The following PSD2 variants were observed in gnomAD, a reference collection of about 807,000 sequenced individuals.
PSD2 encodes the protein PH and SEC7 domain-containing protein 2.
A neutral mutation model predicts 69.8 loss-of-function variants in PSD2; 38 were observed. The ratio of observed to expected loss-of-function variants is 0.54; its 90% CI spans 0.42 to 0.71. The LOEUF (loss-of-function observed/expected upper bound fraction) is 0.71, where lower values mean the gene tolerates loss of function less well. Among genes scored for constraint, PSD2 ranks in the 30% least tolerant of loss-of-function variants. PSD2 has a pLI of 0.00. For synonymous variants in PSD2, 412 were observed against 423.0 expected, an observed-to-expected ratio of 0.97 and a Z score of 0.32; for missense variants, 943 against 1,014.5, an observed-to-expected ratio of 0.93 and a Z score of 0.96.
intron 5 of PSD2, among the ~76,000 whole-genome samples, chr5:139,821,108 T>C (rs1302039543): frequency 1.3e-5 from 2 of 152,118 alleles, no homozygotes; most frequent in Non-Finnish European, 2.9e-5. Context: ...AATTTTTGTA[T>C]TTTTAGTAGA....
At chr5:139,746,722 A>G in the PSD2 span, among the ~76,000 whole-genome samples, 8 of 152,196 alleles carry the variant, frequency 5.3e-5, no homozygotes, top group East Asian at 9.7e-4. This position sits in a 1 kb window ranked among gnomAD's most constrained non-coding sequence, Gnocchi z 4.5. Context: ...CGGCAGTGTG[A>G]TGGCCGCGCA....
chr5:139,768,817 C>G, the PSD2 span, among the ~76,000 whole-genome samples: 2 of 152,032 alleles, frequency 1.3e-5, no homozygotes, highest in Non-Finnish European at 2.9e-5. Context: ...GGGCCTGCAA[C>G]ATGGTGGGTG....
At chr5:139,836,750 C>A in intron 9 of PSD2, 61 bp from the exon 10 acceptor site, 2 of 1,486,332 alleles carry the variant, frequency 1.3e-6, no homozygotes, top group Non-Finnish European at 9.3e-7. Context: ...TGGGGAAAGG[C>A]CATGACGATG....
chr5:139,751,739 G>A, the PSD2 span, among the ~76,000 whole-genome samples: 5 of 151,236 alleles, frequency 3.3e-5, no homozygotes, highest in Non-Finnish European at 5.9e-5. Flanking sequence ...CTCCAAGGTT[G>A]CTCTTTGGCC....
the PSD2 span, among the ~76,000 whole-genome samples, chr5:139,751,847 G>T: frequency 2.7e-5 from 4 of 146,992 alleles, no homozygotes; most frequent in South Asian, 8.7e-4. Flanking sequence ...AGGCTGGAGT[G>T]CTGTAGCATG....
chr5:139,788,174 C>G, the PSD2 span, among the ~76,000 whole-genome samples: 1 of 114,258 alleles, frequency 8.8e-6, no homozygotes, highest in African/African-American at 3.0e-5. Flanking sequence ...GCCCGCCCCC[C>G]CCGCGCCCCC....
At position 139,843,507 on chromosome 5, in the gene PSD2, C is replaced by G. The variant is rs1561612162; in HGVS notation, c.*1033C>G. 6.6e-6 allele frequency: 1 copy of G among 152,216 alleles called. No individual in the cohort carries two copies. The highest frequency in any genetic ancestry group is 1.5e-5 in the Non-Finnish European group (1 of 68,038). 9.4% of individuals were successfully genotyped at this position (152,216 alleles called of 1,614,324 possible). ...GGTCTCTGAGCTCCAGAGGTGGCCT[C>G]TTGGACAGATCTACTGCTATAGGAA... On this transcript the variant is annotated 3_prime_UTR_variant, in exon 15 of 15. Coordinates refer to ENST00000274710, the MANE Select transcript of PSD2 (RefSeq NM_032289.4).
At chr5:139,797,772 C>T (rs1581706384) in intron 1 of PSD2, among the ~76,000 whole-genome samples, 1 of 152,168 alleles carries the variant, frequency 6.6e-6, no homozygotes, top group Non-Finnish European at 1.5e-5. Flanking sequence ...TGTTCAAAGT[C>T]TCCTGGTTAG....
the PSD2 span, among the ~76,000 whole-genome samples, chr5:139,751,206 T>C: frequency 6.6e-6 from 1 of 152,168 alleles, no homozygotes; most frequent in Admixed American, 6.5e-5. Context: ...TCTCAGCTCC[T>C]ACTCCACAGT....
At chr5:139,804,259 G>T (rs1200247508) in intron 1 of PSD2, among the ~76,000 whole-genome samples, 1 of 152,126 alleles carries the variant, frequency 6.6e-6, no homozygotes, top group African/African-American at 2.4e-5. Context: ...GAACCAGTGG[G>T]GGTGTTCAGG....
chr5:139,761,646 C>A, the PSD2 span, among the ~76,000 whole-genome samples: 1 of 152,212 alleles, frequency 6.6e-6, no homozygotes, highest in Non-Finnish European at 1.5e-5. Flanking sequence ...TAGATCAGCA[C>A]CCCCTAACCT....
chr5:139,796,939 G>A (rs1426451399), intron 1 of PSD2, among the ~76,000 whole-genome samples: 1 of 152,148 alleles, frequency 6.6e-6, no homozygotes, highest in Non-Finnish European at 1.5e-5. Context: ...GGCCAGGGCA[G>A]GTGGGCAGCC....
the PSD2 span, among the ~76,000 whole-genome samples, chr5:139,748,000 C>A: frequency 6.6e-6 from 1 of 152,246 alleles, no homozygotes; most frequent in Non-Finnish European, 1.5e-5. This position sits in a 1 kb window ranked among gnomAD's most constrained non-coding sequence, Gnocchi z 6.7. Flanking sequence ...TTTCAAGGGG[C>A]CTTTGCGGAG....
chr5:139,804,045 G>A (rs1218066506), intron 1 of PSD2, among the ~76,000 whole-genome samples: 1 of 152,240 alleles, frequency 6.6e-6, no homozygotes, highest in Non-Finnish European at 1.5e-5. Flanking sequence ...AGGCCCCATT[G>A]CGGTGTGGGC....
the PSD2 span, among the ~76,000 whole-genome samples, chr5:139,765,303 C>CTG: frequency 6.6e-6 from 1 of 152,152 alleles, no homozygotes; most frequent in Non-Finnish European, 1.5e-5. Context: ...CCGTTACCAC[C>CTG]AGGAAACCAC....
At chr5:139,802,594 C>A (rs1386657798) in intron 1 of PSD2, among the ~76,000 whole-genome samples, 2 of 151,992 alleles carry the variant, frequency 1.3e-5, no homozygotes, top group Non-Finnish European at 2.9e-5. Flanking sequence ...GCTGTGAACT[C>A]TCTTGACCAA....
intron 7 of PSD2, among the ~76,000 whole-genome samples, chr5:139,823,433 C>T (rs768288426): frequency 6.6e-6 from 1 of 152,204 alleles, no homozygotes; most frequent in African/African-American, 2.4e-5. Flanking sequence ...CATTGCTCAC[C>T]CATGGTGGTT....
At chr5:139,773,233 C>G in the PSD2 span, among the ~76,000 whole-genome samples, 4 of 152,126 alleles carry the variant, frequency 2.6e-5, no homozygotes, top group African/African-American at 7.2e-5. Flanking sequence ...ACCCCTGCAA[C>G]CACCTACCTT....
At chr5:139,822,114 T>A in intron 6 of PSD2, 109 bp downstream of exon 6, 1 of 630,624 alleles carries the variant, frequency 1.6e-6, no homozygotes, top group Middle Eastern at 4.3e-4. Context: ...CAGGCCCAGA[T>A]GGTTTGTCCT....
Sources: gnomAD v4.1 joint callset for allele counts (sites outside exome capture counted in the v4.1 genomes callset) on GRCh38, gnomAD v4.1.1 for gene constraint, Gnocchi (gnomAD v3.1) non-coding constraint, MANE v1.5 for transcripts, NCBI Gene and HGNC (gene_info 2026-07-23, HGNC 2026-07-21) for gene names.